The following ASPHD2 variants were observed in gnomAD, a reference collection of about 807,000 sequenced individuals.
ASPHD2 encodes the protein aspartate beta-hydroxylase domain containing 2.
ASPHD2 carries 12 observed loss-of-function variants against 34.6 expected under a neutral mutation model. That is an observed-to-expected ratio of 0.35 (90% CI 0.22 to 0.56). The LOEUF is 0.56. ASPHD2 is among the 20% of genes least tolerant of loss of function. The probability of loss-of-function intolerance (pLI) is 0.87; values close to 1 mark genes in which losing one functional copy is unlikely to be tolerated. For missense variants in ASPHD2, 375 were observed against 505.0 expected (o/e 0.74, Z 2.47); for synonymous variants, 224 against 212.2 (o/e 1.06, Z -0.48).
chr22:26,433,749 G>T lies in ASPHD2; in HGVS notation c.134G>T (p.Cys45Phe). Reference sequence around the variant, plus strand: ...TGGTCGCTGGATGGCCTGAGGGACTGCATCGCCACCGGCATCCAGTCCGTG... The same window carrying T: ...TGGTCGCTGGATGGCCTGAGGGACTTCATCGCCACCGGCATCCAGTCCGTG... Reference protein sequence around the residue: ...WSWSLDGLRDCIATGIQSVRD... With the variant: ...WSWSLDGLRDFIATGIQSVRD... Residue 45 changes from cysteine to phenylalanine, a missense_variant, in exon 2 of 4, where the codon TGC (cysteine) becomes TTC (phenylalanine). Transcript: ENST00000215906. This position sits in a 1 kb window ranked among gnomAD's most constrained non-coding sequence, Gnocchi z 5.1. 1 of 1,613,648 alleles carries T rather than the reference G, an allele frequency of 6.2e-7. No homozygotes were observed. Among genetic ancestry groups the T allele is most frequent in the Non-Finnish European group, 8.5e-7 (1 of 1,180,032 alleles).
chr22:26,440,763 G>A (rs905869128), intron 2 of ASPHD2, among the ~76,000 whole-genome samples: 5 of 152,144 alleles, frequency 3.3e-5, no homozygotes, highest in Non-Finnish European at 5.9e-5. Context: ...GCCTCAAAAC[G>A]GATTAAAAGG....
Position 26,443,288 on chromosome 22 carries a change from G to C in ASPHD2, c.*82G>C. The C allele has an allele frequency of 8.5e-7, 1 of 1,182,562 alleles. No homozygotes were observed. The highest frequency in any genetic ancestry group is 1.2e-6 in the Non-Finnish European group (1 of 801,100). 73.3% of individuals were successfully genotyped at this position (1,182,562 alleles called of 1,614,324 possible). Reference sequence around the variant, plus strand: ...GTGGTCCGGTCCAGTCCCTACCGGTGTTGTTTCCATGCTCAGAAACCTGCC... The same window carrying C: ...GTGGTCCGGTCCAGTCCCTACCGGTCTTGTTTCCATGCTCAGAAACCTGCC... On this transcript the variant is annotated 3_prime_UTR_variant, in exon 4 of 4. Transcript: ENST00000215906.
At position 26,429,894 on chromosome 22, in the gene ASPHD2, A is replaced by C. The variant is rs2084746397; in HGVS notation, c.-225+408A>C. ...ACCCTCCTCCCCTGTCCCACGAATTATGAGGCGCCATAAACCTCCTTCCAC... is the reference window on the plus strand; with the variant it reads ...ACCCTCCTCCCCTGTCCCACGAATTCTGAGGCGCCATAAACCTCCTTCCAC... On this transcript the variant is annotated intron_variant, in intron 1 of 3. Transcript: ENST00000215906. The surrounding 1 kb of genome is among the most constrained non-coding windows in gnomAD (Gnocchi z 4.5). Among the ~76,000 whole-genome samples, 2 of 151,642 alleles carry C rather than the reference A, an allele frequency of 1.3e-5. No homozygotes were observed. The highest frequency in any genetic ancestry group is 4.2e-4 in the South Asian group (2 of 4,800).
chr22:26,440,504 G>A (rs1230427694), intron 2 of ASPHD2, among the ~76,000 whole-genome samples: 1 of 151,866 alleles, frequency 6.6e-6, no homozygotes, highest in Admixed American at 6.6e-5. Flanking sequence ...GCTCATTTTG[G>A]ATAATTAGTA....
rs1012452915 is a variant in ASPHD2, at chr22:26,443,285, G to A, written c.*79G>A. On this transcript the variant is annotated 3_prime_UTR_variant, in exon 4 of 4. Transcript: ENST00000215906. ...ACTGTGGTCCGGTCCAGTCCCTACC[G>A]GTGTTGTTTCCATGCTCAGAAACCT... 30 of 1,224,808 alleles carry A rather than the reference G, an allele frequency of 2.4e-5. No individual in the cohort carries two copies. The highest frequency in any genetic ancestry group is 3.1e-5 in the Non-Finnish European group (26 of 838,242). 75.9% of individuals were successfully genotyped at this position (1,224,808 alleles called of 1,614,324 possible). A position where few individuals can be genotyped will look rare whatever the true frequency, so the allele number is the denominator to read the frequency against.
intron 2 of ASPHD2, among the ~76,000 whole-genome samples, chr22:26,435,248 A>G (rs531499742): frequency 3.7e-4 from 57 of 152,336 alleles, no homozygotes; most frequent in African/African-American, 1.2e-3. Context: ...TGAGGATCCA[A>G]TCAGATAATG....
intron 3 of ASPHD2, 46 bp from the exon 4 acceptor site, chr22:26,443,051 T>C: frequency 6.3e-6 from 9 of 1,427,058 alleles, no homozygotes; most frequent in Non-Finnish European, 8.9e-6. Context: ...GGGTCCTGAC[T>C]CCAGGGTGGT....
At chr22:26,440,822 G>A (rs540678350) in intron 2 of ASPHD2, among the ~76,000 whole-genome samples, 17 of 152,278 alleles carry the variant, frequency 1.1e-4, no homozygotes, top group East Asian at 1.9e-4. Flanking sequence ...TTTTTTAATC[G>A]CAACTGAGAT....
chr22:26,438,654 T>TATAC (rs1459316661), intron 2 of ASPHD2, among the ~76,000 whole-genome samples: 1 of 115,588 alleles, frequency 8.7e-6, no homozygotes, highest in Non-Finnish European at 1.9e-5. Flanking sequence ...TACACATACA[T>TATAC]ATATATATAT....
chr22:26,434,336 C>G lies in ASPHD2; in HGVS notation c.721C>G (p.Pro241Ala), dbSNP rs1459143348. The stretch of plus-strand genomic sequence containing the variant: ...CTTGGTCAATCAGGGGGTTTGTGTT[C>G]CCAGGAACTGTAGGAAGTGCCCACG... ...FYLVNQGVCV[P>A]RNCRKCPRTY... Residue 241 changes from proline (P) to alanine (A), a missense_variant, in exon 2 of 4, where the codon CCC (proline) becomes GCC (alanine). By Grantham distance (27) the Pro-to-Ala change is conservative (BLOSUM62 -1). Coordinates refer to ENST00000215906, the MANE Select transcript of ASPHD2 (RefSeq NM_020437.5). 6.2e-7 allele frequency: 1 copy of G among 1,614,058 alleles called. No individual in the cohort carries two copies. The highest frequency in any genetic ancestry group is 2.2e-5 in the East Asian group (1 of 44,896).
At chr22:26,438,059 G>A (rs1199249089) in intron 2 of ASPHD2, among the ~76,000 whole-genome samples, 1 of 152,186 alleles carries the variant, frequency 6.6e-6, no homozygotes, top group African/African-American at 2.4e-5. Context: ...AAGCCAGCAG[G>A]CCAGGCCATT....
chr22:26,434,889 G>T (rs3788399), intron 2 of ASPHD2, among the ~76,000 whole-genome samples: 2 of 152,180 alleles, frequency 1.3e-5, no homozygotes, highest in South Asian at 2.1e-4. Flanking sequence ...AGTGGCTACC[G>T]TATGGGGACA....
chr22:26,429,302 G>A lies in ASPHD2; in HGVS notation c.-409G>A, dbSNP rs1182267409. ...CCCCGCGGAGCGCAGCGCGGCGTCG[G>A]CACCGGCAGGGGCACCGGCGCGGCT... On this transcript the variant is annotated 5_prime_UTR_variant, in exon 1 of 4. Transcript: ENST00000215906. This position sits in a 1 kb window ranked among gnomAD's most constrained non-coding sequence, Gnocchi z 4.5. 4.7e-5 allele frequency: 7 copies of A among 149,582 alleles called. No homozygotes were observed. In the South Asian group the frequency reaches 1.2e-3, roughly 26 times the overall value. The allele number at this position is 149,582 out of a possible 1,614,324, so 9.3% of individuals were successfully genotyped here. A position where few individuals can be genotyped will look rare whatever the true frequency, so the allele number is the denominator to read the frequency against.
intron 2 of ASPHD2, among the ~76,000 whole-genome samples, chr22:26,436,677 T>C (rs1487640345): frequency 6.6e-6 from 1 of 152,178 alleles, no homozygotes; most frequent in Non-Finnish European, 1.5e-5. Context: ...GGTTTGCCTT[T>C]ATGTATTGTT....
intron 2 of ASPHD2, among the ~76,000 whole-genome samples, chr22:26,437,587 G>A (rs1047369981): frequency 6.6e-6 from 1 of 152,146 alleles, no homozygotes; most frequent in Admixed American, 6.6e-5. Context: ...TTACCAGGGA[G>A]GCAGATACTT....
At chr22:26,432,261 C>T (rs1475340093) in intron 1 of ASPHD2, among the ~76,000 whole-genome samples, 1 of 152,184 alleles carries the variant, frequency 6.6e-6, no homozygotes, top group Admixed American at 6.5e-5. Context: ...TCAACTGGGC[C>T]CATCTCTAAT....
At chr22:26,442,101 A>C (rs1423853999) in intron 2 of ASPHD2, among the ~76,000 whole-genome samples, 1 of 100,368 alleles carries the variant, frequency 1.0e-5, no homozygotes, top group Non-Finnish European at 2.0e-5. Flanking sequence ...GAGAGACTCC[A>C]TTTCAAAAAA....
intron 3 of ASPHD2, 123 bp downstream of exon 3, chr22:26,442,695 A>G (rs1032740279): frequency 3.0e-6 from 2 of 673,914 alleles, no homozygotes; most frequent in African/African-American, 1.8e-5. Context: ...ATATCACCCC[A>G]TAACACATAT....
chr22:26,431,351 C>T (rs1046012764), intron 1 of ASPHD2, among the ~76,000 whole-genome samples: 3 of 151,368 alleles, frequency 2.0e-5, no homozygotes, highest in African/African-American at 7.3e-5. Flanking sequence ...GTTTCTTAAC[C>T]TCCAGTGAGT....
Sources: gnomAD v4.1 joint callset for allele counts (sites outside exome capture counted in the v4.1 genomes callset) on GRCh38, gnomAD v4.1.1 for gene constraint, Gnocchi (gnomAD v3.1) non-coding constraint, MANE v1.5 for transcripts, NCBI Gene and HGNC (gene_info 2026-07-23, HGNC 2026-07-21) for gene names.